The following HMGA2 variants were observed in gnomAD, a reference collection of about 807,000 sequenced individuals.
HMGA2 encodes the protein high mobility group protein HMGI-C.
HMGA2 carries 8 observed loss-of-function variants against 19.1 expected under a neutral mutation model. That is an observed-to-expected ratio of 0.42 (90% CI 0.25 to 0.76). The LOEUF (loss-of-function observed/expected upper bound fraction) is 0.76. Among genes scored for constraint, HMGA2 ranks in the 30% least tolerant of loss-of-function variants. The probability of loss-of-function intolerance (pLI) is 0.28; values close to 1 mark genes in which losing one functional copy is unlikely to be tolerated. For synonymous variants in HMGA2, 60 were observed against 48.8 expected, an observed-to-expected ratio of 1.23 and a Z score of -0.96; for missense variants, 109 against 136.3, an observed-to-expected ratio of 0.80 and a Z score of 1.00.
At chr12:65,880,856 G>T (rs1221227488) in intron 3 of HMGA2, among the ~76,000 whole-genome samples, 1 of 152,154 alleles carries the variant, frequency 6.6e-6, no homozygotes, top group Non-Finnish European at 1.5e-5. Flanking sequence ...TTCAAGAAAT[G>T]AGAATAATCA....
chr12:65,832,966 A>G (rs992652175), intron 2 of HMGA2, among the ~76,000 whole-genome samples: 1 of 152,016 alleles, frequency 6.6e-6, no homozygotes, highest in Admixed American at 6.6e-5. Context: ...TTTGCCTGTC[A>G]TTTGGCTTTG....
chr12:65,832,892 A>G (rs1372321045), intron 2 of HMGA2, among the ~76,000 whole-genome samples: 1 of 152,032 alleles, frequency 6.6e-6, no homozygotes, highest in Non-Finnish European at 1.5e-5. Context: ...ATTGATTTTT[A>G]TGATTACAAA....
intron 3 of HMGA2, among the ~76,000 whole-genome samples, chr12:65,841,949 T>A (rs1871016878): frequency 6.6e-6 from 1 of 152,156 alleles, no homozygotes; most frequent in African/African-American, 2.4e-5. Context: ...TTAACTAGAT[T>A]TGCTTAAGAA....
intron 3 of HMGA2, among the ~76,000 whole-genome samples, chr12:65,839,200 C>A (rs534649358): frequency 6.6e-6 from 1 of 151,978 alleles, no homozygotes; most frequent in African/African-American, 2.4e-5. Context: ...TATAGGCACA[C>A]AGATCCTGTA....
At chr12:65,914,858 A>T (rs1423502830) in intron 3 of HMGA2, 3 of 528,636 alleles carry the variant, frequency 5.7e-6, no homozygotes, top group Non-Finnish European at 1.0e-5. Flanking sequence ...TATTTTTAGT[A>T]GAGACAGGGT....
At chr12:65,928,956 G>A (rs1875612241) in intron 3 of HMGA2, among the ~76,000 whole-genome samples, 1 of 152,110 alleles carries the variant, frequency 6.6e-6, no homozygotes, top group South Asian at 2.1e-4. Context: ...CTGTATATAT[G>A]CATGTATGTA....
Position 65,965,118 on chromosome 12 carries a change from T to C in HMGA2, c.*1826T>C, listed in dbSNP as rs1199219900. On this transcript the variant is annotated 3_prime_UTR_variant, in exon 5 of 5. Transcript: ENST00000403681. Reference sequence around the variant, plus strand: ...CACGTTTTTACATACTTTTGCAAAATAAGTAAATAATAAATAAAATAAAAG... The same window carrying C: ...CACGTTTTTACATACTTTTGCAAAACAAGTAAATAATAAATAAAATAAAAG... The C allele has an allele frequency of 1.0e-5, 2 of 194,598 alleles. No homozygotes were observed. Among genetic ancestry groups the C allele is most frequent in the Non-Finnish European group, 1.1e-5 (1 of 93,210 alleles). The allele number at this position is 194,598 out of a possible 1,614,324, so 12.1% of individuals were successfully genotyped here.
chr12:65,832,057 C>T (rs1275330556), intron 2 of HMGA2, among the ~76,000 whole-genome samples: 1 of 151,648 alleles, frequency 6.6e-6, no homozygotes, highest in Admixed American at 6.6e-5. Context: ...CAAATGAATT[C>T]AGGCGGATTC....
chr12:65,834,732 T>G (rs1215124680), intron 2 of HMGA2, among the ~76,000 whole-genome samples: 1 of 152,146 alleles, frequency 6.6e-6, no homozygotes, highest in African/African-American at 2.4e-5. Context: ...GAGATGTATT[T>G]GCTAGTGAAT....
intron 3 of HMGA2, chr12:65,842,024 G>T: frequency 8.4e-7 from 1 of 1,194,334 alleles, no homozygotes; most frequent in Non-Finnish European, 1.1e-6. Flanking sequence ...GTTTGAACTG[G>T]ATTTCAGATC....
chr12:65,877,219 T>A (rs1331000652), intron 3 of HMGA2: 6 of 152,328 alleles, frequency 3.9e-5, no homozygotes, highest in Non-Finnish European at 5.9e-5. Flanking sequence ...GGTGGAATGT[T>A]GACGTGGAGC....
At chr12:65,838,056 G>A (rs1489478181) in intron 2 of HMGA2, among the ~76,000 whole-genome samples, 1 of 152,102 alleles carries the variant, frequency 6.6e-6, no homozygotes, top group Admixed American at 6.5e-5. Context: ...AGGTAGAAGA[G>A]CTTTGTAAAT....
chr12:65,919,226 C>T (rs1214937140), intron 3 of HMGA2, among the ~76,000 whole-genome samples: 1 of 152,270 alleles, frequency 6.6e-6, no homozygotes, highest in East Asian at 1.9e-4. Context: ...CCTGAAAAAC[C>T]AGTCTTTATT....
chr12:65,899,785 T>G (rs1012491278), intron 3 of HMGA2, among the ~76,000 whole-genome samples: 1 of 152,214 alleles, frequency 6.6e-6, no homozygotes, highest in Non-Finnish European at 1.5e-5. Flanking sequence ...TAGTTTTCAT[T>G]TTAATTTATA....
chr12:65,963,813 G>T lies in HMGA2; in HGVS notation c.*521G>T, dbSNP rs1592471503. On this transcript the variant is annotated 3_prime_UTR_variant, in exon 5 of 5. Coordinates refer to ENST00000403681, the MANE Select transcript of HMGA2 (RefSeq NM_003483.6). ...CTCTGTTTAGAACACCAAAGATAAG[G>T]ACTAGATACTACTTTCTCTTTTTCG... 4.4e-6 allele frequency: 1 copy of T among 225,578 alleles called. No homozygotes were observed. The highest frequency in any genetic ancestry group is 6.6e-5 in the East Asian group (1 of 15,212). The allele number at this position is 225,578 out of a possible 1,614,324, so 14.0% of individuals were successfully genotyped here. A position where few individuals can be genotyped will look rare whatever the true frequency, so the allele number is the denominator to read the frequency against.
intron 3 of HMGA2, among the ~76,000 whole-genome samples, chr12:65,938,358 C>T (rs1875968105): frequency 1.3e-5 from 2 of 152,236 alleles, no homozygotes; most frequent in African/African-American, 4.8e-5. Flanking sequence ...CACTGTTATA[C>T]CCAAAAGCAT....
At chr12:65,944,841 G>A (rs1317098914) in intron 3 of HMGA2, among the ~76,000 whole-genome samples, 1 of 152,104 alleles carries the variant, frequency 6.6e-6, no homozygotes, top group Non-Finnish European at 1.5e-5. Context: ...GTCTGCAGGA[G>A]GGTTTGCATC....
intron 3 of HMGA2, among the ~76,000 whole-genome samples, chr12:65,843,696 A>G (rs1871106360): frequency 6.6e-6 from 1 of 150,844 alleles, no homozygotes; most frequent in Non-Finnish European, 1.5e-5. Flanking sequence ...ACACACACAC[A>G]CAAGCACACA....
intron 4 of HMGA2, among the ~76,000 whole-genome samples, chr12:65,960,047 G>A (rs1592469297): frequency 6.6e-6 from 1 of 152,048 alleles, no homozygotes; most frequent in Non-Finnish European, 1.5e-5. Context: ...CCGCCACCAC[G>A]CCTGGCTAAT....
Sources: allele counts gnomAD v4.1 joint callset (sites outside exome capture counted in the v4.1 genomes callset), GRCh38; gene constraint gnomAD v4.1.1; transcripts MANE v1.5; gene names NCBI Gene and HGNC (gene_info 2026-07-23, HGNC 2026-07-21).